Variants in STK3 observed in about 807,000 individuals in gnomAD.
STK3 encodes serine/threonine kinase 3.
A neutral mutation model predicts 58.0 loss-of-function variants in STK3; 41 were observed. The ratio of observed to expected loss-of-function variants is 0.71; its 90% CI spans 0.55 to 0.92. The LOEUF is 0.92. Among genes scored for constraint, STK3 ranks in the 40% least tolerant of loss-of-function variants. The pLI is 0.00. For missense variants in STK3, 479 were observed against 602.7 expected (o/e 0.79, Z 2.15); for synonymous variants, 170 against 191.0 (o/e 0.89, Z 0.91).
chr8:98,726,622 G>A (rs530269681), intron 4 of STK3, among the ~76,000 whole-genome samples: 2 of 152,162 alleles, frequency 1.3e-5, no homozygotes, highest in Non-Finnish European at 2.9e-5. Flanking sequence ...TAAGATTCTA[G>A]TACAGCACTG....
intron 1 of STK3, among the ~76,000 whole-genome samples, chr8:98,776,843 G>C (rs1321692875): frequency 6.6e-6 from 1 of 151,706 alleles, no homozygotes; most frequent in East Asian, 1.9e-4. Context: ...GAGGTCAGGA[G>C]ACCGAGACCA....
intron 9 of STK3, among the ~76,000 whole-genome samples, chr8:98,534,823 C>T (rs1291215584): frequency 6.6e-6 from 1 of 152,192 alleles, no homozygotes; most frequent in South Asian, 2.1e-4. Context: ...CATTTCTGCC[C>T]CATTTTGTAA....
chr8:98,758,723 G>A (rs151161634), intron 3 of STK3, among the ~76,000 whole-genome samples: 6 of 152,300 alleles, frequency 3.9e-5, no homozygotes, highest in East Asian at 1.9e-4. Flanking sequence ...AGGCTGTTTC[G>A]TCTACATTGA....
At chr8:98,934,290 C>G (rs962159260) in intron 1 of STK3, among the ~76,000 whole-genome samples, 1 of 152,170 alleles carries the variant, frequency 6.6e-6, no homozygotes, top group African/African-American at 2.4e-5. Flanking sequence ...TCACTAGGCC[C>G]ACCTGACACC....
intron 4 of STK3, among the ~76,000 whole-genome samples, chr8:98,718,747 T>C (rs893008247): frequency 5.3e-5 from 8 of 152,070 alleles, no homozygotes; most frequent in African/African-American, 1.4e-4. Context: ...ATGTTTAATA[T>C]AGTAAGTATT....
intron 1 of STK3, among the ~76,000 whole-genome samples, chr8:98,918,810 T>G (rs1250634980): frequency 6.6e-6 from 1 of 151,866 alleles, no homozygotes; most frequent in Non-Finnish European, 1.5e-5. Flanking sequence ...AAAGAAAATC[T>G]AAACCTTTGT....
intron 3 of STK3, among the ~76,000 whole-genome samples, chr8:98,755,259 T>C (rs1401331058): frequency 6.6e-5 from 10 of 152,166 alleles, no homozygotes; most frequent in African/African-American, 2.4e-4. Context: ...AGATGTTCAG[T>C]ATGCACTAGT....
At chr8:98,398,234 C>T (rs948479174), downstream of STK3, among the ~76,000 whole-genome samples, 5 of 152,158 alleles carry the variant, frequency 3.3e-5, no homozygotes, top group African/African-American at 1.2e-4. Context: ...CGAGGCCATG[C>T]AGCAGCTACT....
chr8:98,434,954 A>G (rs1229199674), intron 2 of STK3, among the ~76,000 whole-genome samples: 1 of 152,184 alleles, frequency 6.6e-6, no homozygotes, highest in Non-Finnish European at 1.5e-5. Flanking sequence ...TTTCCAGTTA[A>G]CCTAGTGTGC....
intron 1 of STK3, 56 bp from the exon 2 acceptor site, chr8:98,774,875 AT>A: frequency 1.6e-6 from 2 of 1,247,818 alleles, no homozygotes; most frequent in Non-Finnish European, 1.1e-6. Flanking sequence ...CTTTTACAAA[AT>A]TTTTAATTTT....
At chr8:98,525,777 C>T (rs1020422030) in intron 10 of STK3, among the ~76,000 whole-genome samples, 2 of 151,834 alleles carry the variant, frequency 1.3e-5, no homozygotes, top group Non-Finnish European at 2.9e-5. Flanking sequence ...TTTAAAAACT[C>T]AATCACAATA....
At chr8:98,509,361 T>A (rs963025360) in intron 10 of STK3, among the ~76,000 whole-genome samples, 1 of 152,032 alleles carries the variant, frequency 6.6e-6, no homozygotes. Flanking sequence ...AAATGTACAG[T>A]GTACTCATTT....
At chr8:98,458,755 A>G (rs1819702676) in intron 10 of STK3, among the ~76,000 whole-genome samples, 2 of 151,998 alleles carry the variant, frequency 1.3e-5, no homozygotes, top group African/African-American at 4.8e-5. Flanking sequence ...TTCCTTCTTC[A>G]ATCTCACTCT....
chr8:98,581,779 T>C (rs1219232855), intron 7 of STK3, among the ~76,000 whole-genome samples: 2 of 151,954 alleles, frequency 1.3e-5, no homozygotes, highest in African/African-American at 2.4e-5. Context: ...CAGCTATGTC[T>C]TTCCTTGAGT....
chr8:98,715,743 A>G (rs1241308639), intron 4 of STK3, among the ~76,000 whole-genome samples: 1 of 152,190 alleles, frequency 6.6e-6, no homozygotes, highest in Non-Finnish European at 1.5e-5. Flanking sequence ...AGGGATCTAG[A>G]ACTAGAAATA....
chr8:98,667,209 G>A (rs1272387992), intron 6 of STK3, among the ~76,000 whole-genome samples: 2 of 152,076 alleles, frequency 1.3e-5, no homozygotes, highest in African/African-American at 4.8e-5. Context: ...ACTCCAACAT[G>A]AGTTCACAAA....
chr8:98,409,254 A>G (rs1818029781), intron 3 of STK3, among the ~76,000 whole-genome samples: 2 of 152,202 alleles, frequency 1.3e-5, no homozygotes, highest in African/African-American at 4.8e-5. Flanking sequence ...TGAGTTCCAT[A>G]CAGAGATAGA....
At chr8:98,700,173 T>G (rs1825429207) in intron 6 of STK3, among the ~76,000 whole-genome samples, 1 of 152,156 alleles carries the variant, frequency 6.6e-6, no homozygotes, top group African/African-American at 2.4e-5. Flanking sequence ...CTGATCCAAG[T>G]GCGGGATATA....
intron 2 of STK3, among the ~76,000 whole-genome samples, chr8:98,768,256 G>A (rs761023072): frequency 1.4e-4 from 22 of 152,068 alleles, no homozygotes; most frequent in Non-Finnish European, 2.4e-4. Context: ...GACCAGTAGG[G>A]CCAGAATTCA....
Sources: gnomAD v4.1 joint callset for allele counts (sites outside exome capture counted in the v4.1 genomes callset) on GRCh38, gnomAD v4.1.1 for gene constraint, MANE v1.5 for transcripts, NCBI Gene and HGNC (gene_info 2026-07-23, HGNC 2026-07-21) for gene names.